CHP1: variants seen among roughly 807,000 people sequenced by gnomAD.
CHP1 encodes calcineurin like EF-hand protein 1, also known as calcineurin B homologous protein 1.
A neutral mutation model predicts 27.4 loss-of-function variants in CHP1; 11 were observed. That is an observed-to-expected ratio of 0.40 (90% CI 0.25 to 0.67). The LOEUF is 0.67. Ranked by LOEUF, CHP1 falls within the 30% of genes least tolerant of loss-of-function variation. The probability of loss-of-function intolerance (pLI) is 0.38; values close to 1 mark genes in which losing one functional copy is unlikely to be tolerated. For missense variants in CHP1, 169 were observed against 251.3 expected, an observed-to-expected ratio of 0.67 and a Z score of 2.22; for synonymous variants, 89 against 87.4, an observed-to-expected ratio of 1.02 and a Z score of -0.10.
intron 1 of CHP1, among the ~76,000 whole-genome samples, chr15:41,235,991 A>C (rs139872217): frequency 4.6e-4 from 70 of 152,268 alleles, no homozygotes; most frequent in African/African-American, 1.6e-3. Context: ...TTCTAGTGCA[A>C]AGTTTTATTC....
At chr15:41,240,211 C>G (rs2047299178) in intron 1 of CHP1, among the ~76,000 whole-genome samples, 1 of 152,000 alleles carries the variant, frequency 6.6e-6, no homozygotes, top group South Asian at 2.1e-4. Flanking sequence ...CCAGCCTGGT[C>G]TTGAACTCCT....
At chr15:41,256,046 T>C (rs115908168) in intron 2 of CHP1, among the ~76,000 whole-genome samples, 393 of 152,152 alleles carry the variant, frequency 2.6e-3, no homozygotes, top group African/African-American at 8.5e-3. Context: ...GAAAGAAATA[T>C]GGTTTTTAGA....
At position 41,237,666 on chromosome 15, in the gene CHP1, A is replaced by G. The variant is rs538420719; in HGVS notation, c.68-6001A>G. Among the ~76,000 whole-genome samples, 108 of 152,322 alleles carry G rather than the reference A, an allele frequency of 7.1e-4. 1 individual carries two copies. The South Asian group carries it at 0.014, about 20-fold the overall frequency. On this transcript the variant is annotated intron_variant, in intron 1 of 6. Transcript: ENST00000334660. ...CTTTAGCTGTACTTGTAATCTTTAC[A>G]TAGGTTATCAGTCTGTTCTTCTGCA...
intron 2 of CHP1, among the ~76,000 whole-genome samples, chr15:41,254,627 G>C (rs577663286): frequency 1.3e-5 from 2 of 152,140 alleles, no homozygotes; most frequent in Non-Finnish European, 2.9e-5. Flanking sequence ...TACACTAAAT[G>C]GTCAAGAAGG....
intron 2 of CHP1, among the ~76,000 whole-genome samples, chr15:41,245,203 G>A (rs547455809): frequency 2.4e-4 from 36 of 152,322 alleles, no homozygotes; most frequent in African/African-American, 7.2e-4. Context: ...GCTCATGCCT[G>A]TAATTCTAGC....
Position 41,264,145 on chromosome 15 carries a change from T to C in CHP1, c.349+1262T>C, listed in dbSNP as rs78065672. 6.2e-3 allele frequency: 7,805 copies of C among 1,269,006 alleles called. 78 individuals carry two copies. Among genetic ancestry groups the C allele is most frequent in the African/African-American group, 0.032 (2,092 of 65,522 alleles). 78.6% of individuals were successfully genotyped at this position (1,269,006 alleles called of 1,614,324 possible). Reference sequence around the variant, plus strand: ...TCAGTTGTTAACAGGGCTTTTTTTTTTCTTGTTCACATCTGGCAGTAGAGG... The same window carrying C: ...TCAGTTGTTAACAGGGCTTTTTTTTCTCTTGTTCACATCTGGCAGTAGAGG... On this transcript the variant is annotated intron_variant, in intron 4 of 6. Coordinates refer to ENST00000334660, the MANE Select transcript of CHP1 (RefSeq NM_007236.5).
chr15:41,259,542 T>G (rs1008376114), intron 3 of CHP1, among the ~76,000 whole-genome samples: 1 of 151,766 alleles, frequency 6.6e-6, no homozygotes, highest in African/African-American at 2.4e-5. Context: ...TTTTTTTTTT[T>G]TAAAGAATGA....
intron 2 of CHP1, among the ~76,000 whole-genome samples, chr15:41,254,780 G>A (rs373499600): frequency 3.3e-5 from 5 of 152,328 alleles, no homozygotes; most frequent in East Asian, 3.9e-4. Flanking sequence ...GGAAAAGAGC[G>A]TGAAGTCTCC....
Position 41,269,807 on chromosome 15 carries a change from C to CCAAGCTAAAAACCA in CHP1, c.350-750_350-749insCAAGCTAAAAACCA, listed in dbSNP as rs1445705403. Among the ~76,000 whole-genome samples, 3 of 152,080 alleles carry CCAAGCTAAAAACCA rather than the reference C, an allele frequency of 2.0e-5. No homozygotes were observed. The East Asian group carries it at 5.8e-4, about 29-fold the overall frequency. On this transcript the variant is annotated intron_variant, in intron 4 of 6. Coordinates refer to ENST00000334660, the MANE Select transcript of CHP1 (RefSeq NM_007236.5). ...CAAAACCTAAAAACCAAGCTAAATT[C>CCAAGCTAAAAACCA]AGTTGTGGGACAAGACATTCACATC...
In CHP1 at chr15:41,231,374, G is replaced by A. The variant is rs924121617; in HGVS notation, c.-9G>A. On this transcript the variant is annotated 5_prime_UTR_variant, in exon 1 of 7. Transcript: ENST00000334660. Reference sequence around the variant, plus strand: ...CGCCGCTGCTCCCGGAGGAGCTCCCGGCACGGCGATGGGTTCTCGGGCCTC... The same window carrying A: ...CGCCGCTGCTCCCGGAGGAGCTCCCAGCACGGCGATGGGTTCTCGGGCCTC... The A allele has an allele frequency of 3.1e-6, 5 of 1,595,406 alleles. No homozygotes were observed. Among genetic ancestry groups the A allele is most frequent in the Middle Eastern group, 1.6e-4 (1 of 6,062 alleles).
At position 41,253,236 on chromosome 15, in the gene CHP1, C is replaced by A. The variant is rs183066028; in HGVS notation, c.141-3674C>A. Reference sequence around the variant, plus strand: ...ACAGGCGTGAGCCACTGTGCCCGGCCTTCGGATGGATCTTATGCTTGTGGT... The same window carrying A: ...ACAGGCGTGAGCCACTGTGCCCGGCATTCGGATGGATCTTATGCTTGTGGT... On this transcript the variant is annotated intron_variant, in intron 2 of 6. Coordinates refer to ENST00000334660, the MANE Select transcript of CHP1 (RefSeq NM_007236.5). Among the ~76,000 whole-genome samples the A allele has an allele frequency of 6.0e-5, 9 of 150,900 alleles. No individual in the cohort carries two copies. The East Asian group carries it at 1.8e-3, about 30-fold the overall frequency.
At chr15:41,269,320 C>A (rs2047477495) in intron 4 of CHP1, among the ~76,000 whole-genome samples, 1 of 152,196 alleles carries the variant, frequency 6.6e-6, no homozygotes, top group East Asian at 1.9e-4. Flanking sequence ...TGATATATAC[C>A]TTACAAGGAG....
intron 5 of CHP1, among the ~76,000 whole-genome samples, chr15:41,271,576 T>G (rs1567011706): frequency 6.6e-6 from 1 of 152,204 alleles, no homozygotes; most frequent in Non-Finnish European, 1.5e-5. Context: ...ATGCTGTTAT[T>G]TAGTCTGTCC....
intron 5 of CHP1, among the ~76,000 whole-genome samples, chr15:41,278,225 C>T (rs1595484283): frequency 6.7e-6 from 1 of 148,680 alleles, no homozygotes; most frequent in Non-Finnish European, 1.5e-5. Flanking sequence ...CCTAGCTACG[C>T]AGGAGGCTGA....
chr15:41,272,801 C>T (rs2047497365), intron 5 of CHP1, among the ~76,000 whole-genome samples: 1 of 152,100 alleles, frequency 6.6e-6, no homozygotes, highest in Non-Finnish European at 1.5e-5. Flanking sequence ...GTAATCCCAG[C>T]ACTTTTGGAG....
chr15:41,244,528 G>T (rs765928042), intron 2 of CHP1, among the ~76,000 whole-genome samples: 2 of 152,094 alleles, frequency 1.3e-5, no homozygotes, highest in Admixed American at 1.3e-4. Flanking sequence ...TCATCTGAGG[G>T]CCATTTTGCC....
chr15:41,250,219 T>A (rs2047358536), intron 2 of CHP1, among the ~76,000 whole-genome samples: 1 of 152,130 alleles, frequency 6.6e-6, no homozygotes, highest in African/African-American at 2.4e-5. Flanking sequence ...ATTGGGAACA[T>A]TCAAGGGAGA....
At chr15:41,257,677 A>C (rs546587632) in intron 3 of CHP1, among the ~76,000 whole-genome samples, 7 of 151,822 alleles carry the variant, frequency 4.6e-5, no homozygotes, top group South Asian at 2.1e-4. Flanking sequence ...CTCCTGCCTC[A>C]GCCTCCGAGA....
chr15:41,278,332 CAA>C (rs61453137), intron 5 of CHP1, among the ~76,000 whole-genome samples: 16 of 78,530 alleles, frequency 2.0e-4, no homozygotes, highest in Admixed American at 4.4e-4. Flanking sequence ...GACTCCGTCT[CAA>C]AAAAAAAAAA....
Sources: allele counts gnomAD v4.1 joint callset (sites outside exome capture counted in the v4.1 genomes callset), GRCh38; gene constraint gnomAD v4.1.1; transcripts MANE v1.5; gene names NCBI Gene and HGNC (gene_info 2026-07-23, HGNC 2026-07-21).